SPIRE1: variants seen among roughly 807,000 people sequenced by gnomAD.
SPIRE1 encodes protein spire homolog 1.
In SPIRE1, 40 loss-of-function variants were observed where a neutral mutation model predicts 94.1. The ratio of observed to expected loss-of-function variants is 0.43; its 90% CI spans 0.33 to 0.55. The LOEUF (loss-of-function observed/expected upper bound fraction) is 0.55. Ranked by LOEUF, SPIRE1 falls within the 20% of genes least tolerant of loss-of-function variation. The pLI is 0.06. For synonymous variants in SPIRE1, 376 were observed against 371.7 expected, an observed-to-expected ratio of 1.01 and a Z score of -0.13; for missense variants, 838 against 975.2, an observed-to-expected ratio of 0.86 and a Z score of 1.87.
chr18:12,549,408 GTTTTGCTT>G (rs1174532149), intron 2 of SPIRE1, among the ~76,000 whole-genome samples: 5 of 40,410 alleles, frequency 1.2e-4, no homozygotes, highest in Admixed American at 7.2e-4. Context: ...TTCTTTTTTT[GTTTTGCTT>G]TTTGTTTGTT....
chr18:12,608,220 AT>A (rs2037042570), intron 2 of SPIRE1, among the ~76,000 whole-genome samples: 4 of 151,528 alleles, frequency 2.6e-5, no homozygotes, highest in African/African-American at 9.7e-5. Flanking sequence ...TACCCCAAAA[AT>A]TTTTTTTTAA....
chr18:12,511,403 T>A (rs1291601657), intron 5 of SPIRE1, among the ~76,000 whole-genome samples: 1 of 152,166 alleles, frequency 6.6e-6, no homozygotes, highest in Non-Finnish European at 1.5e-5. Context: ...ATCTAGGTTG[T>A]ATGCTCCTTA....
chr18:12,454,212 G>T, intron 13 of SPIRE1, 134 bp downstream of exon 13: 1 of 1,010,718 alleles, frequency 9.9e-7, no homozygotes, highest in Non-Finnish European at 1.5e-6. Flanking sequence ...CTGTCTACTA[G>T]GATATGAACA....
chr18:12,601,680 T>A (rs4389196), intron 2 of SPIRE1, among the ~76,000 whole-genome samples: 59,131 of 152,028 alleles, frequency 0.39, 12,218 homozygotes, highest in East Asian at 0.6. Context: ...ACTTTCCGTC[T>A]CTACAGTTTT....
intron 2 of SPIRE1, among the ~76,000 whole-genome samples, chr18:12,621,853 T>A (rs930123040): frequency 2.6e-5 from 4 of 152,138 alleles, no homozygotes; most frequent in Admixed American, 1.3e-4. Flanking sequence ...CCTAAAAAAA[T>A]TATTTTTAAA....
intron 6 of SPIRE1, among the ~76,000 whole-genome samples, chr18:12,504,785 G>A (rs1224126144): frequency 6.6e-6 from 1 of 152,188 alleles, no homozygotes; most frequent in Non-Finnish European, 1.5e-5. Flanking sequence ...AGAGTAAAGA[G>A]ATGGAGAAGA....
rs751000625 is a variant in SPIRE1, at chr18:12,463,340, C to A, written c.1638+11G>T. 6.2e-7 allele frequency: 1 copy of A among 1,606,726 alleles called. No homozygotes were observed. The highest frequency in any genetic ancestry group is 1.1e-5 in the South Asian group (1 of 89,302). On this transcript the variant is annotated intron_variant, in intron 12 of 16. Coordinates refer to ENST00000409402, the MANE Select transcript of SPIRE1 (RefSeq NM_001128626.2). Reference sequence around the variant, plus strand: ...GTCCCTAAGTTACTACAAAGTCTTTCCTGTACTTACAAGAGAGCGGGAACT... The same window carrying A: ...GTCCCTAAGTTACTACAAAGTCTTTACTGTACTTACAAGAGAGCGGGAACT...
At chr18:12,451,146 T>C in intron 16 of SPIRE1, 1 of 299,068 alleles carries the variant, frequency 3.3e-6, no homozygotes, top group East Asian at 7.1e-5. Context: ...GGTATTCATC[T>C]GATTCCCAAT....
upstream of SPIRE1, among the ~76,000 whole-genome samples, chr18:12,659,470 C>T (rs2144930046): frequency 6.6e-6 from 1 of 152,242 alleles, no homozygotes; most frequent in South Asian, 2.1e-4. Context: ...AGTTCGAGAC[C>T]AGCCTGGCCA....
intron 2 of SPIRE1, among the ~76,000 whole-genome samples, chr18:12,594,113 A>C (rs1326223950): frequency 6.6e-6 from 1 of 152,230 alleles, no homozygotes; most frequent in African/African-American, 2.4e-5. Flanking sequence ...CCAGGTTTTA[A>C]CAAATGTGTA....
chr18:12,648,567 G>T (rs2038287893), intron 1 of SPIRE1, among the ~76,000 whole-genome samples: 1 of 152,008 alleles, frequency 6.6e-6, no homozygotes, highest in South Asian at 2.1e-4. Context: ...ATGCAATATG[G>T]TATCTCGAAT....
intron 10 of SPIRE1, among the ~76,000 whole-genome samples, chr18:12,467,563 A>G (rs944486592): frequency 1.3e-5 from 2 of 152,352 alleles, no homozygotes; most frequent in South Asian, 2.1e-4. Context: ...AGTCATACAC[A>G]ATACTTCCCA....
chr18:12,654,933 C>T (rs1468708683), intron 1 of SPIRE1, among the ~76,000 whole-genome samples: 1 of 150,838 alleles, frequency 6.6e-6, no homozygotes, highest in Non-Finnish European at 1.5e-5. Context: ...GAGGCTGAGG[C>T]AAGAGAATCA....
chr18:12,603,428 A>G (rs557509403), intron 2 of SPIRE1, among the ~76,000 whole-genome samples: 2 of 152,212 alleles, frequency 1.3e-5, no homozygotes, highest in Non-Finnish European at 2.9e-5. Flanking sequence ...TTGTATATTA[A>G]TGATTGAAGG....
chr18:12,580,271 G>T (rs980781284), intron 2 of SPIRE1, among the ~76,000 whole-genome samples: 1 of 152,090 alleles, frequency 6.6e-6, no homozygotes, highest in Non-Finnish European at 1.5e-5. Flanking sequence ...TGCAGGGTTG[G>T]AGAGGAAAGG....
chr18:12,621,063 G>C (rs1356392549), intron 2 of SPIRE1, among the ~76,000 whole-genome samples: 2 of 152,244 alleles, frequency 1.3e-5, no homozygotes, highest in African/African-American at 4.8e-5. Flanking sequence ...CTTAAAAAAA[G>C]GGGGAGTGGG....
intron 2 of SPIRE1, among the ~76,000 whole-genome samples, chr18:12,598,095 T>C (rs2036729938): frequency 6.6e-6 from 1 of 152,208 alleles, no homozygotes; most frequent in Non-Finnish European, 1.5e-5. Context: ...TCGAGATATA[T>C]GATGTAAGAA....
At chr18:12,560,075 A>G (rs902525562) in intron 2 of SPIRE1, among the ~76,000 whole-genome samples, 19 of 152,230 alleles carry the variant, frequency 1.2e-4, no homozygotes, top group Admixed American at 1.1e-3. Flanking sequence ...CTTCTATCTA[A>G]AAGGCAATAA....
chr18:12,574,587 T>C (rs988258151), intron 2 of SPIRE1, among the ~76,000 whole-genome samples: 2 of 152,216 alleles, frequency 1.3e-5, no homozygotes, highest in East Asian at 1.9e-4. Context: ...GTGGGAAATA[T>C]AATCACAGAC....
Sources: allele counts gnomAD v4.1 joint callset (sites outside exome capture counted in the v4.1 genomes callset), GRCh38; gene constraint gnomAD v4.1.1; transcripts MANE v1.5; gene names NCBI Gene and HGNC (gene_info 2026-07-23, HGNC 2026-07-21).